The following PAK2 variants were observed in gnomAD, a reference collection of about 807,000 sequenced individuals.
The protein encoded by PAK2 is serine/threonine-protein kinase PAK 2.
A neutral mutation model predicts 65.9 loss-of-function variants in PAK2; 21 were observed. The observed-to-expected ratio is 0.32, with a 90% CI of 0.23 to 0.46. The LOEUF (loss-of-function observed/expected upper bound fraction) is 0.46. Ranked by LOEUF, PAK2 falls within the 20% of genes least tolerant of loss-of-function variation. The probability of loss-of-function intolerance (pLI) is 1.00; values close to 1 mark genes in which losing one functional copy is unlikely to be tolerated. For synonymous variants in PAK2, 204 were observed against 219.7 expected, an observed-to-expected ratio of 0.93 and a Z score of 0.63; for missense variants, 324 against 642.6, an observed-to-expected ratio of 0.50 and a Z score of 5.36.
At chr3:196,755,925 T>G (rs1713753919) in intron 1 of PAK2, among the ~76,000 whole-genome samples, 1 of 152,160 alleles carries the variant, frequency 6.6e-6, no homozygotes, top group African/African-American at 2.4e-5. Flanking sequence ...CTGGCTAATC[T>G]TTGTATTTTC....
At chr3:196,787,352 C>T (rs12633634) in intron 2 of PAK2, among the ~76,000 whole-genome samples, 2 of 151,728 alleles carry the variant, frequency 1.3e-5, no homozygotes, top group South Asian at 4.1e-4. Context: ...AGGCCGAGGC[C>T]GGCAGATCAC....
intron 2 of PAK2, among the ~76,000 whole-genome samples, chr3:196,796,876 A>G (rs1046303993): frequency 5.3e-5 from 8 of 152,226 alleles, no homozygotes; most frequent in African/African-American, 1.9e-4. Flanking sequence ...GGACCAGTTC[A>G]TTAAGATGAT....
intron 1 of PAK2, among the ~76,000 whole-genome samples, chr3:196,751,936 T>G (rs1310736706): frequency 1.3e-5 from 2 of 151,416 alleles, no homozygotes; most frequent in Non-Finnish European, 2.9e-5. Context: ...AGAGATAGGA[T>G]TTCACCATGT....
At chr3:196,783,661 A>G (rs1714786040) in intron 2 of PAK2, among the ~76,000 whole-genome samples, 1 of 151,838 alleles carries the variant, frequency 6.6e-6, no homozygotes, top group Non-Finnish European at 1.5e-5. Flanking sequence ...GAATTTTATC[A>G]GTACCTCTGA....
chr3:196,793,588 G>A (rs1239094321), intron 2 of PAK2, among the ~76,000 whole-genome samples: 1 of 151,796 alleles, frequency 6.6e-6, no homozygotes, highest in Non-Finnish European at 1.5e-5. Context: ...CAAAACAATA[G>A]GGATAAAAAC....
Position 196,828,496 on chromosome 3 carries a change from A to G in PAK2, c.*91A>G. Reference sequence around the variant, plus strand: ...TTATTACTCTTTTTGGGGTTTAAAGAAATGGTCTGCATAACCTGAATGAAA... The same window carrying G: ...TTATTACTCTTTTTGGGGTTTAAAGGAATGGTCTGCATAACCTGAATGAAA... On this transcript the variant is annotated 3_prime_UTR_variant, in exon 15 of 15. Transcript: ENST00000327134. 1.2e-6 allele frequency: 1 copy of G among 811,236 alleles called. No individual in the cohort carries two copies. Among genetic ancestry groups the G allele is most frequent in the Non-Finnish European group, 2.1e-6 (1 of 471,172 alleles). The allele number at this position is 811,236 out of a possible 1,614,324, so 50.3% of individuals were successfully genotyped here.
intron 11 of PAK2, among the ~76,000 whole-genome samples, chr3:196,815,637 A>C (rs569400351): frequency 4.6e-5 from 7 of 151,810 alleles, no homozygotes; most frequent in Non-Finnish European, 1.0e-4. Context: ...AAATACAAAA[A>C]TTAGCTGGGT....
intron 1 of PAK2, among the ~76,000 whole-genome samples, chr3:196,762,962 G>T (rs550510834): frequency 1.3e-5 from 2 of 152,246 alleles, no homozygotes; most frequent in Admixed American, 1.3e-4. Context: ...CTATAACAGG[G>T]TAATTGAGTA....
Position 196,820,441 on chromosome 3 carries a change from C to A in PAK2, c.1224C>A (p.Tyr408Ter). The A allele has an allele frequency of 6.2e-7, 1 of 1,613,128 alleles. No individual in the cohort carries two copies. The highest frequency in any genetic ancestry group is 8.5e-7 in the Non-Finnish European group (1 of 1,179,248). ...GCAGTACCATGGTCGGAACGCCATA[C>A]TGGATGGCACCAGAGGTGGTTACAC... Reference protein sequence around the residue: ...SKRSTMVGTPYWMAPEVVTRK... With the variant: ...SKRSTMVGTP Residue 408 changes from tyrosine to a stop codon, truncating the protein, a stop_gained, in exon 13 of 15, where the codon TAC becomes TAA. Transcript: ENST00000327134. LOFTEE classifies it high-confidence loss of function. This position sits in a 1 kb window ranked among gnomAD's most constrained non-coding sequence, Gnocchi z 4.6.
intron 2 of PAK2, among the ~76,000 whole-genome samples, chr3:196,788,040 T>TGCA (rs1379011656): frequency 1.3e-5 from 2 of 152,256 alleles, no homozygotes; most frequent in Non-Finnish European, 2.9e-5. Context: ...TTCAGCCACC[T>TGCA]GCAGCAGTTT....
At chr3:196,782,929 T>G in intron 2 of PAK2, 96 bp downstream of exon 2, 2 of 705,064 alleles carry the variant, frequency 2.8e-6, no homozygotes, top group Middle Eastern at 2.6e-4. Flanking sequence ...TTAAAACAGA[T>G]CATGAAAACA....
chr3:196,754,157 T>C (rs1577698227), intron 1 of PAK2, among the ~76,000 whole-genome samples: 3 of 152,320 alleles, frequency 2.0e-5, no homozygotes, highest in African/African-American at 7.2e-5. Context: ...CCTGGTTTCT[T>C]CTCTCCATAT....
At chr3:196,774,488 T>G (rs1034884476) in intron 1 of PAK2, among the ~76,000 whole-genome samples, 1 of 152,202 alleles carries the variant, frequency 6.6e-6, no homozygotes, top group African/African-American at 2.4e-5. Flanking sequence ...AGGAAATCAT[T>G]TTCACTAAGC....
rs112704024 is a variant in PAK2, at chr3:196,812,376, G to A, written c.822+109G>A. On this transcript the variant is annotated intron_variant, in intron 9 of 14. Coordinates refer to ENST00000327134, the MANE Select transcript of PAK2 (RefSeq NM_002577.4). ...GAACCTCTTTTAAGTTGAGCCCGTT[G>A]TAAGAATCGCTCTACGTATGTTTAT... 3.0e-3 allele frequency: 2,269 copies of A among 754,240 alleles called. 24 individuals carry two copies. The highest frequency in any genetic ancestry group is 0.026 in the African/African-American group (1,547 of 58,694). 46.7% of individuals were successfully genotyped at this position (754,240 alleles called of 1,614,324 possible).
chr3:196,809,483 A>T (rs1360563901), intron 7 of PAK2, among the ~76,000 whole-genome samples: 2 of 147,046 alleles, frequency 1.4e-5, no homozygotes, highest in Non-Finnish European at 3.0e-5. Context: ...AGCTGGGGCT[A>T]CAGGTGTGCG....
chr3:196,805,691 T>TC (rs900819533), intron 5 of PAK2, among the ~76,000 whole-genome samples: 12 of 152,062 alleles, frequency 7.9e-5, no homozygotes, highest in African/African-American at 2.9e-4. Context: ...TCTCCATCCC[T>TC]CAGTTTTCCT....
intron 13 of PAK2, among the ~76,000 whole-genome samples, chr3:196,823,908 A>T (rs778190436): frequency 6.6e-6 from 1 of 152,094 alleles, no homozygotes; most frequent in Non-Finnish European, 1.5e-5. Context: ...GATGAGGAAG[A>T]TGAGAATTCC....
intron 2 of PAK2, among the ~76,000 whole-genome samples, chr3:196,793,270 A>T (rs148572766): frequency 1.4e-3 from 211 of 152,294 alleles, no homozygotes; most frequent in Admixed American, 3.9e-3. Context: ...AGTCAGGAAA[A>T]GTTGAAGCAC....
chr3:196,759,959 G>A (rs1423030267), intron 1 of PAK2, among the ~76,000 whole-genome samples: 2 of 152,094 alleles, frequency 1.3e-5, no homozygotes, highest in East Asian at 1.9e-4. Context: ...CTCCCCGCCG[G>A]CCCCAAATAC....
Sources: allele counts gnomAD v4.1 joint callset (sites outside exome capture counted in the v4.1 genomes callset), GRCh38; gene constraint gnomAD v4.1.1; non-coding constraint Gnocchi (gnomAD v3.1); transcripts MANE v1.5; gene names NCBI Gene and HGNC (gene_info 2026-07-23, HGNC 2026-07-21).